The following RASGRP1 variants were observed in gnomAD, a reference collection of about 807,000 sequenced individuals.
RASGRP1 encodes the protein RAS guanyl releasing protein 1, also known as RAS guanyl-releasing protein 1.
RASGRP1 carries 37 observed loss-of-function variants against 95.1 expected under a neutral mutation model. That is an observed-to-expected ratio of 0.39 (90% CI 0.30 to 0.51). The LOEUF (loss-of-function observed/expected upper bound fraction) is 0.51. Ranked by LOEUF, RASGRP1 falls within the 20% of genes least tolerant of loss-of-function variation. RASGRP1 has a pLI of 0.80. For synonymous variants in RASGRP1, 325 were observed against 353.4 expected (o/e 0.92, Z 0.90); for missense variants, 711 against 965.4 (o/e 0.74, Z 3.49).
chr15:38,552,789 T>A (rs1893389123), intron 2 of RASGRP1, among the ~76,000 whole-genome samples: 1 of 152,228 alleles, frequency 6.6e-6, no homozygotes, highest in African/African-American at 2.4e-5. Flanking sequence ...AATTTAACAA[T>A]CTGCTCTTGT....
chr15:38,541,234 A>G lies in RASGRP1; in HGVS notation c.221-14830T>C, dbSNP rs901594937. ...TATCCACTTTACCGACAATAAAAGC[A>G]TAAAGACAGGGCTAATCCCCAGCCT... is the stretch of plus-strand genomic sequence containing the variant. On this transcript the variant is annotated intron_variant, in intron 2 of 16. Transcript: ENST00000310803. Among the ~76,000 whole-genome samples, 4 of 152,234 alleles carry G rather than the reference A, an allele frequency of 2.6e-5. 1 individual carries two copies. Among genetic ancestry groups the G allele is most frequent in the African/African-American group, 9.6e-5 (4 of 41,460 alleles).
chr15:38,488,393 C>CT lies in RASGRP1; in HGVS notation c.*2160dup, dbSNP rs202204499. On this transcript the variant is annotated 3_prime_UTR_variant, in exon 17 of 17. Coordinates refer to ENST00000310803, the MANE Select transcript of RASGRP1 (RefSeq NM_005739.4). The stretch of plus-strand genomic sequence containing the variant: ...TACACTAGGCTTGATAAGCCAAAGC[C>CT]TTTTTTTTTTTTTTCCAGATTTCTG... 0.44 allele frequency: 63,910 copies of CT among 143,888 alleles called. 14,162 individuals carry two copies. The highest frequency in any genetic ancestry group is 0.52 in the East Asian group (2,609 of 4,972). The allele number at this position is 143,888 out of a possible 1,614,324, so 8.9% of individuals were successfully genotyped here.
At chr15:38,559,757 A>G (rs1893728450) in intron 2 of RASGRP1, 64 bp downstream of exon 2, 1 of 1,492,230 alleles carries the variant, frequency 6.7e-7, no homozygotes, top group Admixed American at 1.8e-5. Flanking sequence ...TCCGTAAAGC[A>G]CTTTTAAAGG....
rs562354919 is a variant in RASGRP1 at position 38,490,945 on chromosome 15, C to T, written c.2260-257G>A. 2.6e-5 allele frequency among the ~76,000 whole-genome samples: 4 copies of T among 152,200 alleles called. No individual in the cohort carries two copies. In the East Asian group the frequency reaches 7.7e-4, roughly 29 times the overall value. On this transcript the variant is annotated intron_variant, in intron 16 of 16. Coordinates refer to ENST00000310803, the MANE Select transcript of RASGRP1 (RefSeq NM_005739.4). ...GCAGGCAGAATAAACCATTTCCGAG[C>T]AATAGGTAGATAATGACAAAACTTT...
intron 7 of RASGRP1, 150 bp from the exon 8 acceptor site, chr15:38,511,870 C>T: frequency 3.3e-6 from 2 of 612,308 alleles, no homozygotes; most frequent in Non-Finnish European, 5.9e-6. Context: ...GTCCATGTCT[C>T]CCCTTCTGCT....
At chr15:38,528,261 AAACC>A (rs1310108726) in intron 2 of RASGRP1, among the ~76,000 whole-genome samples, 2 of 152,166 alleles carry the variant, frequency 1.3e-5, no homozygotes, top group Non-Finnish European at 2.9e-5. Flanking sequence ...AAATAAAACA[AAACC>A]TTAAACTCTC....
chr15:38,545,560 G>A (rs1326980264), intron 2 of RASGRP1, among the ~76,000 whole-genome samples: 2 of 150,828 alleles, frequency 1.3e-5, no homozygotes, highest in Admixed American at 1.3e-4. Flanking sequence ...CACTGAACTT[G>A]AGGGAAAAAA....
Position 38,488,738 on chromosome 15 carries a change from ATATC to A in RASGRP1, c.*1812_*1815del, listed in dbSNP as rs1890453383. 1 of 152,028 alleles carries A rather than the reference ATATC, an allele frequency of 6.6e-6. No individual in the cohort carries two copies. Among genetic ancestry groups the A allele is most frequent in the South Asian group, 2.1e-4 (1 of 4,834 alleles). The allele number at this position is 152,028 out of a possible 1,614,324, so 9.4% of individuals were successfully genotyped here. A position where few individuals can be genotyped will look rare whatever the true frequency, so the allele number is the denominator to read the frequency against. ...AATTAGAGTACACCATCTTTGGTCT[ATATC>A]AATCAAAGGAAAACAAGAATAGTGA... On this transcript the variant is annotated 3_prime_UTR_variant, in exon 17 of 17. Transcript: ENST00000310803.
At chr15:38,552,063 T>TA (rs1893362168) in intron 2 of RASGRP1, among the ~76,000 whole-genome samples, 2 of 152,214 alleles carry the variant, frequency 1.3e-5, no homozygotes, top group South Asian at 4.1e-4. Context: ...TGGTTAATCT[T>TA]AAGAGATATT....
At chr15:38,563,518 A>T (rs1027365416) in intron 1 of RASGRP1, among the ~76,000 whole-genome samples, 5 of 152,220 alleles carry the variant, frequency 3.3e-5, no homozygotes, top group African/African-American at 1.2e-4. Flanking sequence ...CCGCCTAGAA[A>T]AGTAAGAGAT....
chr15:38,523,731 C>T (rs947510510), intron 3 of RASGRP1, among the ~76,000 whole-genome samples: 1 of 152,242 alleles, frequency 6.6e-6, no homozygotes, highest in Non-Finnish European at 1.5e-5. Flanking sequence ...CATATTTTTA[C>T]TGTACTTTTT....
chr15:38,540,715 A>C (rs1480361763), intron 2 of RASGRP1, among the ~76,000 whole-genome samples: 2 of 152,216 alleles, frequency 1.3e-5, no homozygotes, highest in Non-Finnish European at 2.9e-5. Flanking sequence ...GATGAGTCTG[A>C]GATGCCCAGA....
chr15:38,541,627 A>C (rs1232605522), intron 2 of RASGRP1, among the ~76,000 whole-genome samples: 1 of 152,016 alleles, frequency 6.6e-6, no homozygotes, highest in African/African-American at 2.4e-5. Context: ...CACACACATA[A>C]ATATTCTGAA....
chr15:38,547,248 C>T lies in RASGRP1; in HGVS notation c.220+12573G>A, dbSNP rs896294445. ...GAGCCTGTAAGTTCCCACACACATA[C>T]TCTCAGACCTTCCCATTGTAATGCA... On this transcript the variant is annotated intron_variant, in intron 2 of 16. Coordinates refer to ENST00000310803, the MANE Select transcript of RASGRP1 (RefSeq NM_005739.4). Among the ~76,000 whole-genome samples the T allele has an allele frequency of 2.6e-5, 4 of 152,314 alleles. No individual in the cohort carries two copies. In the East Asian group the frequency reaches 7.7e-4, roughly 29 times the overall value.
intron 13 of RASGRP1, among the ~76,000 whole-genome samples, chr15:38,500,916 G>A (rs187189548): frequency 2.0e-5 from 3 of 152,170 alleles, no homozygotes; most frequent in African/African-American, 7.2e-5. Flanking sequence ...CAGCATTTCT[G>A]GTACCATTTA....
At chr15:38,496,873 C>T (rs1381241829) in intron 15 of RASGRP1, among the ~76,000 whole-genome samples, 1 of 152,204 alleles carries the variant, frequency 6.6e-6, no homozygotes, top group Non-Finnish European at 1.5e-5. Context: ...ATATTTACCA[C>T]TGAACATTAG....
chr15:38,540,385 T>C (rs1356326261), intron 2 of RASGRP1, among the ~76,000 whole-genome samples: 2 of 152,176 alleles, frequency 1.3e-5, no homozygotes, highest in Non-Finnish European at 2.9e-5. Flanking sequence ...ACATTAACAT[T>C]GACTGGCAAC....
intron 15 of RASGRP1, among the ~76,000 whole-genome samples, chr15:38,497,244 T>C (rs1214948795): frequency 5.3e-5 from 8 of 152,190 alleles, no homozygotes; most frequent in Non-Finnish European, 1.2e-4. Context: ...TATGAAGCCT[T>C]GTGCCCCAAC....
chr15:38,524,714 T>C lies in RASGRP1; in HGVS notation c.326+1585A>G, dbSNP rs190773992. Among the ~76,000 whole-genome samples, 18 of 152,290 alleles carry C rather than the reference T, an allele frequency of 1.2e-4. No homozygotes were observed. In the East Asian group the frequency reaches 3.1e-3, roughly 26 times the overall value. ...TTTAAGACGCTTTCACATCAAATTT[T>C]TAACCCTAACAATGGAATGAAGGGG... On this transcript the variant is annotated intron_variant, in intron 3 of 16. Transcript: ENST00000310803.
Sources: allele counts gnomAD v4.1 joint callset (sites outside exome capture counted in the v4.1 genomes callset), GRCh38; gene constraint gnomAD v4.1.1; transcripts MANE v1.5; gene names NCBI Gene and HGNC (gene_info 2026-07-23, HGNC 2026-07-21).